RSBN1L: variants seen among roughly 807,000 people sequenced by gnomAD.
The protein encoded by RSBN1L is lysine-specific demethylase RSBN1L.
RSBN1L carries 30 observed loss-of-function variants against 67.7 expected under a neutral mutation model. That is an observed-to-expected ratio of 0.44 (90% CI 0.33 to 0.60). The LOEUF (loss-of-function observed/expected upper bound fraction) is 0.60. Ranked by LOEUF, RSBN1L falls within the 20% of genes least tolerant of loss-of-function variation. The pLI, the probability that RSBN1L is intolerant of heterozygous loss-of-function variation, is 0.02. For missense variants in RSBN1L, 992 were observed against 1,031.7 expected (o/e 0.96, Z 0.53); for synonymous variants, 433 against 387.0 (o/e 1.12, Z -1.39).
intron 3 of RSBN1L, among the ~76,000 whole-genome samples, chr7:77,765,239 C>T (rs1343902151): frequency 6.6e-6 from 1 of 152,144 alleles, no homozygotes; most frequent in Non-Finnish European, 1.5e-5. Context: ...ACTCTGTTTT[C>T]ATAAGCAGTG....
In RSBN1L at chr7:77,711,322, ATTT is replaced by A. The variant is rs200143722; in HGVS notation, c.586+14286_586+14288del. Among the ~76,000 whole-genome samples, 1,134 of 138,642 alleles carry A rather than the reference ATTT, an allele frequency of 8.2e-3. 14 individuals are homozygous for A. Among genetic ancestry groups the A allele is most frequent in the African/African-American group, 0.027 (986 of 37,114 alleles). 91.0% of individuals were successfully genotyped at this position (138,642 alleles called of 152,430 possible). On this transcript the variant is annotated intron_variant, in intron 1 of 7. Transcript: ENST00000334955. Reference sequence around the variant, plus strand: ...TATAAAAAAGATATTTTGCATATTAATTTTTTTTTTTTTTTTTTTTTACCATTT... The same window carrying A: ...TATAAAAAAGATATTTTGCATATTAATTTTTTTTTTTTTTTTTTACCATTT...
At chr7:77,765,915 C>G (rs1259695120) in intron 4 of RSBN1L, among the ~76,000 whole-genome samples, 2 of 152,148 alleles carry the variant, frequency 1.3e-5, no homozygotes, top group Non-Finnish European at 2.9e-5. Flanking sequence ...CCTCTTAACA[C>G]TTTAGGAAAT....
intron 1 of RSBN1L, among the ~76,000 whole-genome samples, chr7:77,698,781 A>G (rs887357508): frequency 2.0e-5 from 3 of 152,152 alleles, no homozygotes; most frequent in Admixed American, 6.5e-5. Context: ...AGTAGTGACA[A>G]GATATTAACA....
intron 3 of RSBN1L, among the ~76,000 whole-genome samples, chr7:77,764,909 G>A (rs1791742265): frequency 6.6e-6 from 1 of 152,172 alleles, no homozygotes; most frequent in African/African-American, 2.4e-5. Context: ...GGGATTACAG[G>A]TGTGAGCCAC....
chr7:77,740,495 A>C (rs1448560672), intron 2 of RSBN1L, among the ~76,000 whole-genome samples: 1 of 152,216 alleles, frequency 6.6e-6, no homozygotes, highest in Admixed American at 6.5e-5. Flanking sequence ...ACAACATTGC[A>C]GTGCAAAAAA....
At chr7:77,697,351 T>C (rs1332514519) in intron 1 of RSBN1L, 1 of 308,042 alleles carries the variant, frequency 3.2e-6, no homozygotes, top group African/African-American at 2.2e-5. Flanking sequence ...TCTCCTAGGT[T>C]TGTTTGGCTA....
intron 2 of RSBN1L, among the ~76,000 whole-genome samples, chr7:77,742,615 ATCACTTGAGG>A (rs1424372076): frequency 1.3e-5 from 2 of 152,138 alleles, no homozygotes; most frequent in African/African-American, 4.8e-5. Context: ...AGGCACGCAG[ATCACTTGAGG>A]TCAGGAGTTT....
intron 1 of RSBN1L, among the ~76,000 whole-genome samples, chr7:77,700,014 C>G (rs1335054794): frequency 6.6e-6 from 1 of 152,096 alleles, no homozygotes; most frequent in Non-Finnish European, 1.5e-5. Context: ...CCAGGCTGGT[C>G]TCAAACTCCT....
intron 1 of RSBN1L, among the ~76,000 whole-genome samples, chr7:77,716,788 C>G (rs1332106341): frequency 6.6e-6 from 1 of 151,692 alleles, no homozygotes; most frequent in East Asian, 1.9e-4. Context: ...TGCACCACCA[C>G]GCCAGGCTAT....
chr7:77,715,588 C>T (rs995879704), intron 1 of RSBN1L, among the ~76,000 whole-genome samples: 2 of 152,150 alleles, frequency 1.3e-5, no homozygotes, highest in African/African-American at 2.4e-5. Flanking sequence ...GAATTACAGG[C>T]ACGACACTGT....
intron 1 of RSBN1L, among the ~76,000 whole-genome samples, chr7:77,727,161 C>T (rs1335390259): frequency 6.6e-6 from 1 of 150,794 alleles, no homozygotes; most frequent in African/African-American, 2.4e-5. Context: ...TCTCTTGGCT[C>T]ACTGCATCCT....
intron 1 of RSBN1L, among the ~76,000 whole-genome samples, chr7:77,697,949 A>C (rs1192026563): frequency 6.6e-6 from 1 of 152,244 alleles, no homozygotes; most frequent in Non-Finnish European, 1.5e-5. Flanking sequence ...CTAGTTGAAA[A>C]TCAAATCTTT....
chr7:77,697,069 G>A lies in RSBN1L; in HGVS notation c.586+14G>A, dbSNP rs899589539. ...CGCTGCCCCGAGGTGGGTGCCGTGCGGGGAGGGGGAGGGGAGGGCGCCGTG... is the reference window on the plus strand; with the variant it reads ...CGCTGCCCCGAGGTGGGTGCCGTGCAGGGAGGGGGAGGGGAGGGCGCCGTG... On this transcript the variant is annotated intron_variant, in intron 1 of 7. Coordinates refer to ENST00000334955, the MANE Select transcript of RSBN1L (RefSeq NM_198467.3). 7 of 1,386,382 alleles carry A rather than the reference G, an allele frequency of 5.0e-6. No homozygotes were observed. The highest frequency in any genetic ancestry group is 2.7e-4 in the Middle Eastern group (1 of 3,710). 85.9% of individuals were successfully genotyped at this position (1,386,382 alleles called of 1,614,324 possible). A position where few individuals can be genotyped will look rare whatever the true frequency, so the allele number is the denominator to read the frequency against.
At chr7:77,764,480 T>C (rs1791736680) in intron 3 of RSBN1L, among the ~76,000 whole-genome samples, 2 of 152,174 alleles carry the variant, frequency 1.3e-5, no homozygotes. Flanking sequence ...TTTATATCAT[T>C]ATCAAATTTT....
At chr7:77,704,346 A>G (rs988955717) in intron 1 of RSBN1L, among the ~76,000 whole-genome samples, 6 of 152,364 alleles carry the variant, frequency 3.9e-5, no homozygotes, top group Non-Finnish European at 8.8e-5. Context: ...AAAATAGGAT[A>G]TTGAAAAATA....
intron 1 of RSBN1L, among the ~76,000 whole-genome samples, chr7:77,711,530 A>G (rs922258846): frequency 1.3e-5 from 2 of 151,958 alleles, no homozygotes; most frequent in African/African-American, 4.8e-5. Flanking sequence ...TTTCATAGAT[A>G]TGGCTTCTTG....
rs750213217 is a variant in RSBN1L, at chr7:77,696,789, C to T, written c.320C>T (p.Ser107Phe). Residue 107 changes from serine (S) to phenylalanine (F), a missense_variant, in exon 1 of 8, where the codon TCC becomes TTC. This residue lies in a region of RSBN1L where 575 missense variants were observed against 483.2 expected (regional missense o/e 1.19). Coordinates refer to ENST00000334955, the MANE Select transcript of RSBN1L (RefSeq NM_198467.3). ...TCTTCTCGGAGCAGTTTCTCTTTCT[C>T]CGCTGGCACGGCCGTTCCCTCCTCA... ...PSSSRSSFSF[S>F]AGTAVPSSAS... 1.9e-6 allele frequency: 3 copies of T among 1,613,668 alleles called. No homozygotes were observed. Among genetic ancestry groups the T allele is most frequent in the East Asian group, 4.5e-5 (2 of 44,894 alleles).
At chr7:77,706,914 ATATT>A (rs1790899934) in intron 1 of RSBN1L, among the ~76,000 whole-genome samples, 1 of 152,160 alleles carries the variant, frequency 6.6e-6, no homozygotes. Context: ...TAGCAAATAT[ATATT>A]AATGATACTG....
chr7:77,739,733 A>AT (rs1791383335), intron 2 of RSBN1L, among the ~76,000 whole-genome samples: 1 of 102,162 alleles, frequency 9.8e-6, no homozygotes, highest in Non-Finnish European at 1.9e-5. Context: ...AAAAAAAAAA[A>AT]TGTGTCTTTT....
Sources: gnomAD v4.1 joint callset for allele counts (sites outside exome capture counted in the v4.1 genomes callset) on GRCh38, gnomAD v4.1.1 for gene constraint, gnomAD v4.1.1 regional missense constraint, MANE v1.5 for transcripts, NCBI Gene and HGNC (gene_info 2026-07-23, HGNC 2026-07-21) for gene names.